The following RGS8 variants were observed in gnomAD, a reference collection of about 807,000 sequenced individuals.
The protein encoded by RGS8 is regulator of G protein signaling 8.
Under a neutral mutation model 21.7 loss-of-function variants are expected in RGS8, and 8 were observed. The observed-to-expected ratio is 0.37, with a 90% CI of 0.22 to 0.66. RGS8 has a LOEUF of 0.66. Among genes scored for constraint, RGS8 ranks in the 30% least tolerant of loss-of-function variants. The pLI is 0.59. For missense variants in RGS8, 157 were observed against 217.9 expected, an observed-to-expected ratio of 0.72 and a Z score of 1.76; for synonymous variants, 80 against 83.6, an observed-to-expected ratio of 0.96 and a Z score of 0.24.
chr1:182,735,977 T>C, the RGS8 span, among the ~76,000 whole-genome samples: 7 of 152,240 alleles, frequency 4.6e-5, no homozygotes, highest in African/African-American at 1.7e-4. Context: ...ACTTCAACCA[T>C]TTGATTATGT....
intron 5 of RGS8, 38 bp downstream of exon 6, chr1:182,665,931 G>C: frequency 6.4e-7 from 1 of 1,554,762 alleles, no homozygotes; most frequent in Non-Finnish European, 8.9e-7. Context: ...CTAAATAGAT[G>C]ATTTGCCATG....
At chr1:182,658,107 T>A (rs1471444788) in intron 5 of RGS8, among the ~76,000 whole-genome samples, 1 of 152,228 alleles carries the variant, frequency 6.6e-6, no homozygotes, top group Non-Finnish European at 1.5e-5. Flanking sequence ...GTGTCCAGAA[T>A]TCTTGGAACA....
chr1:182,647,808 A>G (rs1662775154), intron 6 of RGS8, among the ~76,000 whole-genome samples: 1 of 152,228 alleles, frequency 6.6e-6, no homozygotes, highest in Non-Finnish European at 1.5e-5. Flanking sequence ...AAGCAGATCC[A>G]CATTTCATTA....
intron 5 of RGS8, chr1:182,658,533 G>A (rs1023580794): frequency 2.6e-5 from 4 of 152,222 alleles, no homozygotes; most frequent in African/African-American, 9.6e-5. Flanking sequence ...GAAAAGAATG[G>A]AAATTACATT....
the RGS8 span, among the ~76,000 whole-genome samples, chr1:182,732,274 C>CACACAG: frequency 1.4e-5 from 2 of 141,776 alleles, no homozygotes; most frequent in South Asian, 4.4e-4. Context: ...CTCTCTCATA[C>CACACAG]ACACACACAC....
At chr1:182,658,308 G>T (rs542857018) in intron 5 of RGS8, 4 of 152,342 alleles carry the variant, frequency 2.6e-5, no homozygotes, top group Admixed American at 1.3e-4. Context: ...TTAGGTAACA[G>T]TTCAAGGCCC....
At chr1:182,742,776 A>ACAGGGACAGGGC in the RGS8 span, among the ~76,000 whole-genome samples, 3 of 151,990 alleles carry the variant, frequency 2.0e-5, no homozygotes, top group Non-Finnish European at 4.4e-5. Context: ...AGGGACAGGG[A>ACAGGGACAGGGC]GAGGGAGAGG....
At chr1:182,734,364 T>C in the RGS8 span, 2 of 152,244 alleles carry the variant, frequency 1.3e-5, no homozygotes, top group African/African-American at 4.8e-5. Context: ...TGATTTTGAA[T>C]GCATAGTGCA....
chr1:182,698,201 C>A, the RGS8 span, among the ~76,000 whole-genome samples: 1 of 152,176 alleles, frequency 6.6e-6, no homozygotes. Context: ...GAAGCCAAAG[C>A]CACAAACCGG....
chr1:182,716,069 C>T, the RGS8 span, among the ~76,000 whole-genome samples: 1 of 151,706 alleles, frequency 6.6e-6, no homozygotes, highest in African/African-American at 2.4e-5. Context: ...CTCTAGATTG[C>T]TTATAATACC....
chr1:182,742,432 A>C, the RGS8 span, among the ~76,000 whole-genome samples: 1 of 151,962 alleles, frequency 6.6e-6, no homozygotes. Flanking sequence ...ACGCCACTGC[A>C]CTCCAGCCTG....
the RGS8 span, among the ~76,000 whole-genome samples, chr1:182,698,843 C>T: frequency 6.6e-6 from 1 of 152,188 alleles, no homozygotes; most frequent in Admixed American, 6.5e-5. Flanking sequence ...ACTTCGTAAG[C>T]ACAGAATTCA....
At chr1:182,671,912 T>C in exon 1 of RGS8, 2 of 1,460,808 alleles carry the variant, frequency 1.4e-6, no homozygotes, top group Non-Finnish European at 1.8e-6. Context: ...GCTTGTCACA[T>C]CCAGTAAATA....
intron 5 of RGS8, among the ~76,000 whole-genome samples, chr1:182,653,957 T>A (rs1032781054): frequency 6.6e-6 from 1 of 152,108 alleles, no homozygotes; most frequent in African/African-American, 2.4e-5. Flanking sequence ...CTAGGAAAGG[T>A]AGGGTGTTGT....
At chr1:182,698,589 C>A in the RGS8 span, among the ~76,000 whole-genome samples, 1 of 152,180 alleles carries the variant, frequency 6.6e-6, no homozygotes, top group African/African-American at 2.4e-5. Context: ...CTAGAAGCAA[C>A]CTTAAGTCCC....
the RGS8 span, among the ~76,000 whole-genome samples, chr1:182,751,991 G>A: frequency 2.0e-5 from 3 of 152,144 alleles, no homozygotes; most frequent in African/African-American, 7.2e-5. Context: ...GGTTCCTATT[G>A]TCTTACACCC....
chr1:182,669,639 A>G, exon 3 of RGS8: 1 of 1,614,226 alleles, frequency 6.2e-7, no homozygotes, highest in Non-Finnish European at 8.5e-7. Context: ...TGGCATCAGT[A>G]AGGCCGCCAT....
At chr1:182,677,738 C>T (rs1664411364), upstream of RGS8, among the ~76,000 whole-genome samples, 1 of 152,194 alleles carries the variant, frequency 6.6e-6, no homozygotes, top group Non-Finnish European at 1.5e-5. Flanking sequence ...TCTTTATTCA[C>T]TACTTTATAC....
At chr1:182,731,675 AG>A in the RGS8 span, among the ~76,000 whole-genome samples, 6 of 152,248 alleles carry the variant, frequency 3.9e-5, no homozygotes, top group African/African-American at 1.2e-4. Context: ...GAGGCCATTT[AG>A]GTGGTTTAGA....
Sources: gnomAD v4.1 joint callset for allele counts (sites outside exome capture counted in the v4.1 genomes callset) on GRCh38, gnomAD v4.1.1 for gene constraint, MANE v1.5 for transcripts, NCBI Gene and HGNC (gene_info 2026-07-23, HGNC 2026-07-21) for gene names.